The following HECW1 variants were observed in gnomAD, a reference collection of about 807,000 sequenced individuals.
HECW1 encodes the protein E3 ubiquitin-protein ligase HECW1.
HECW1 carries 61 observed loss-of-function variants against 182.3 expected under a neutral mutation model. The observed-to-expected ratio is 0.33, with a 90% CI of 0.27 to 0.41. The LOEUF (loss-of-function observed/expected upper bound fraction) is 0.41, where lower values mean the gene tolerates loss of function less well. Ranked by LOEUF, HECW1 falls within the 10% of genes least tolerant of loss-of-function variation. HECW1 has a pLI of 1.00. For synonymous variants in HECW1, 859 were observed against 832.6 expected (o/e 1.03, Z -0.55); for missense variants, 1,739 against 2,108.9 (o/e 0.82, Z 3.44).
At chr7:43,519,380 G>A (rs2080329778) in intron 24 of HECW1, among the ~76,000 whole-genome samples, 1 of 152,058 alleles carries the variant, frequency 6.6e-6, no homozygotes, top group Non-Finnish European at 1.5e-5. Context: ...TGAGTAGCTG[G>A]GACTACAGGC....
At chr7:43,140,154 A>G (rs1199734907) in intron 2 of HECW1, among the ~76,000 whole-genome samples, 1 of 151,848 alleles carries the variant, frequency 6.6e-6, no homozygotes, top group Non-Finnish European at 1.5e-5. Flanking sequence ...GAAACTTTGG[A>G]ATTTTGGATT....
rs567294072 is a variant in HECW1, at chr7:43,456,327, G to A, written c.2531G>A (p.Arg844Gln). 4 of 1,613,306 alleles carry A rather than the reference G, an allele frequency of 2.5e-6. No homozygotes were observed. In the Admixed American group the frequency reaches 5.0e-5, roughly 20 times the overall value. Residue 844 changes from arginine to glutamine, a missense_variant, in exon 13 of 30, where the codon CGG becomes CAG. Arg to Gln is a conservative substitution (Grantham distance 43). Coordinates refer to ENST00000395891, the MANE Select transcript of HECW1 (RefSeq NM_015052.5). ...NWEARIDSHG[R>Q]VFYVDHVNRT... ...GAAGCTCGAATTGACAGCCACGGGC[G>A]GGTCTTTTATGTGGACCACGTGAAC...
At chr7:43,193,048 G>C (rs1336307134) in intron 2 of HECW1, among the ~76,000 whole-genome samples, 1 of 152,162 alleles carries the variant, frequency 6.6e-6, no homozygotes, top group African/African-American at 2.4e-5. Context: ...AAAGGGAATG[G>C]GAATTCTGGA....
chr7:43,312,227 G>A, intron 4 of HECW1, 140 bp downstream of exon 4: 1 of 782,442 alleles, frequency 1.3e-6, no homozygotes, highest in Non-Finnish European at 2.0e-6. Flanking sequence ...GACCACTGTT[G>A]CATGACCTTG....
At chr7:43,338,938 A>T (rs1283944538) in intron 5 of HECW1, among the ~76,000 whole-genome samples, 1 of 152,186 alleles carries the variant, frequency 6.6e-6, no homozygotes, top group Non-Finnish European at 1.5e-5. Flanking sequence ...AGTTTTGAAG[A>T]GTAATTTCAC....
chr7:43,339,090 CTT>C (rs2152798859), intron 5 of HECW1, among the ~76,000 whole-genome samples: 1 of 152,234 alleles, frequency 6.6e-6, no homozygotes, highest in Non-Finnish European at 1.5e-5. Flanking sequence ...GCTTCTAAGA[CTT>C]TTATCTTTGT....
At chr7:43,451,079 TG>T in intron 12 of HECW1, 150 bp downstream of exon 12, 1 of 609,568 alleles carries the variant, frequency 1.6e-6, no homozygotes, top group East Asian at 2.8e-5. Context: ...CTCTAAAAAC[TG>T]GTGGTTTTTT....
intron 2 of HECW1, among the ~76,000 whole-genome samples, chr7:43,135,734 A>C (rs1471630054): frequency 2.6e-5 from 4 of 152,018 alleles, no homozygotes; most frequent in African/African-American, 4.8e-5. Context: ...TTGAATTTTC[A>C]CTCTAAAGCA....
intron 29 of HECW1, 115 bp downstream of exon 29, chr7:43,554,905 T>C: frequency 1.1e-6 from 1 of 929,784 alleles, no homozygotes; most frequent in South Asian, 1.6e-5. Context: ...TCACCCAAAG[T>C]ATTGTCATTG....
chr7:43,456,510 A>G, intron 13 of HECW1, 63 bp downstream of exon 13: 1 of 1,515,770 alleles, frequency 6.6e-7, no homozygotes, highest in Non-Finnish European at 9.0e-7. Context: ...GCAGCTAGAG[A>G]CGCTCCCCTT....
chr7:43,240,211 G>A lies in HECW1; in HGVS notation c.-31-3664G>A, dbSNP rs1320350494. Among the ~76,000 whole-genome samples, 12 of 152,046 alleles carry A rather than the reference G, an allele frequency of 7.9e-5. No individual in the cohort carries two copies. The South Asian group carries it at 1.0e-3, about 13-fold the overall frequency. ...CAAAAAGCCAGGCATGGTGGTGGGC[G>A]CTTGTAGTCCTAGCTACTCGGGAGG... On this transcript the variant is annotated intron_variant, in intron 2 of 29. Transcript: ENST00000395891.
At chr7:43,254,370 T>C (rs887465883) in intron 3 of HECW1, among the ~76,000 whole-genome samples, 8 of 152,302 alleles carry the variant, frequency 5.3e-5, no homozygotes, top group African/African-American at 1.9e-4. Context: ...AGTAACTCTA[T>C]ATTGTAGCAC....
chr7:43,435,344 T>G (rs1391226541), intron 8 of HECW1, among the ~76,000 whole-genome samples: 1 of 152,200 alleles, frequency 6.6e-6, no homozygotes, highest in African/African-American at 2.4e-5. Context: ...GAAGGCCTTT[T>G]TAGAGTAGTA....
At position 43,211,169 on chromosome 7, in the gene HECW1, G is replaced by A. The variant is rs142264719; in HGVS notation, c.-31-32706G>A. Reference sequence around the variant, plus strand: ...AAGCCCTGTGTTTAGAGGTGGATGCGGTCACCTTCCCAGCTAGGTTTAGGG... The same window carrying A: ...AAGCCCTGTGTTTAGAGGTGGATGCAGTCACCTTCCCAGCTAGGTTTAGGG... On this transcript the variant is annotated intron_variant, in intron 2 of 29. Coordinates refer to ENST00000395891, the MANE Select transcript of HECW1 (RefSeq NM_015052.5). Among the ~76,000 whole-genome samples the A allele has an allele frequency of 9.2e-5, 14 of 152,212 alleles. No homozygotes were observed. The East Asian group carries it at 1.7e-3, about 19-fold the overall frequency.
chr7:43,314,537 G>T (rs1808944165), intron 4 of HECW1, among the ~76,000 whole-genome samples: 1 of 152,020 alleles, frequency 6.6e-6, no homozygotes, highest in South Asian at 2.1e-4. Flanking sequence ...GGAGGGGGTG[G>T]GTAGCCATAT....
At chr7:43,451,140 G>A (rs930888654) in intron 12 of HECW1, among the ~76,000 whole-genome samples, 1 of 152,180 alleles carries the variant, frequency 6.6e-6, no homozygotes, top group Non-Finnish European at 1.5e-5. Context: ...ATGTGATCTT[G>A]AAGAGATAAC....
chr7:43,214,162 T>G (rs576266149), intron 2 of HECW1, among the ~76,000 whole-genome samples: 1 of 152,088 alleles, frequency 6.6e-6, no homozygotes, highest in African/African-American at 2.4e-5. Context: ...TTTTCATATA[T>G]ATTTCTCTCT....
intron 5 of HECW1, among the ~76,000 whole-genome samples, chr7:43,326,516 G>C (rs1184675317): frequency 6.6e-6 from 1 of 152,176 alleles, no homozygotes; most frequent in Non-Finnish European, 1.5e-5. Flanking sequence ...CCATGAAGAT[G>C]ACCTGAAAAA....
chr7:43,333,844 C>T (rs1811797621), intron 5 of HECW1, among the ~76,000 whole-genome samples: 1 of 152,054 alleles, frequency 6.6e-6, no homozygotes, highest in Non-Finnish European at 1.5e-5. Context: ...ATCTACCTTC[C>T]CCTTGTAATA....
Sources: gnomAD v4.1 joint callset for allele counts (sites outside exome capture counted in the v4.1 genomes callset) on GRCh38, gnomAD v4.1.1 for gene constraint, MANE v1.5 for transcripts, NCBI Gene and HGNC (gene_info 2026-07-23, HGNC 2026-07-21) for gene names.